The following SLC27A6 variants were observed in gnomAD, a reference collection of about 807,000 sequenced individuals.
SLC27A6 encodes the protein solute carrier family 27 member 6, also known as long-chain fatty acid transport protein 6.
A neutral mutation model predicts 63.9 loss-of-function variants in SLC27A6; 74 were observed. That is an observed-to-expected ratio of 1.16 (90% CI 0.96 to 1.40). SLC27A6 has a LOEUF of 1.40. SLC27A6 is among the 40% of genes most tolerant of loss of function. SLC27A6 has a pLI of 0.00. For synonymous variants in SLC27A6, 287 were observed against 260.8 expected, an observed-to-expected ratio of 1.10 and a Z score of -0.97; for missense variants, 794 against 732.9, an observed-to-expected ratio of 1.08 and a Z score of -0.96.
Position 129,029,603 on chromosome 5 carries a change from T to G in SLC27A6, c.1579T>G (p.Ser527Ala). 1 of 1,586,746 alleles carries G rather than the reference T, an allele frequency of 6.3e-7. No individual in the cohort carries two copies. The highest frequency in any genetic ancestry group is 8.6e-7 in the Non-Finnish European group (1 of 1,168,902). ...TTATGAAGGAAGAGCAGGAATGGCT[T>G]CTATTATTTTAAAACCAAATACATC... ...SGYEGRAGMASIILKPNTSLD... is the reference protein window; with the variant it reads ...SGYEGRAGMAAIILKPNTSLD... The change falls in exon 9 of 10, where the codon TCT becomes GCT. Residue 527 changes from serine to alanine, a missense_variant. Physicochemically the swap from Ser to Ala is moderately conservative, Grantham distance 99 (BLOSUM62 1). Transcript: ENST00000262462.
intron 4 of SLC27A6, among the ~76,000 whole-genome samples, chr5:129,013,522 T>A (rs1751793805): frequency 6.6e-6 from 1 of 152,154 alleles, no homozygotes; most frequent in Admixed American, 6.5e-5. Context: ...AATATTCATG[T>A]TGCCCCTTTG....
intron 1 of SLC27A6, among the ~76,000 whole-genome samples, chr5:128,975,287 A>G (rs980747815): frequency 1.3e-5 from 2 of 152,190 alleles, no homozygotes; most frequent in Non-Finnish European, 2.9e-5. Flanking sequence ...GGAGGCAGAG[A>G]TTACAGTGAG....
At chr5:128,986,959 A>G (rs1334717265) in intron 2 of SLC27A6, among the ~76,000 whole-genome samples, 2 of 152,322 alleles carry the variant, frequency 1.3e-5, no homozygotes, top group East Asian at 3.9e-4. Flanking sequence ...ATGTGAAACT[A>G]TAAGCAGGAA....
intron 1 of SLC27A6, among the ~76,000 whole-genome samples, chr5:128,983,599 T>C (rs2150133397): frequency 6.6e-6 from 1 of 152,260 alleles, no homozygotes; most frequent in Middle Eastern, 3.4e-3. Flanking sequence ...CTGGCCAATC[T>C]GTATCTATTT....
chr5:129,025,199 A>G (rs925506771), intron 6 of SLC27A6, among the ~76,000 whole-genome samples: 3 of 152,152 alleles, frequency 2.0e-5, no homozygotes, highest in African/African-American at 2.4e-5. Context: ...TATTTTTTCC[A>G]TTAAGGCATT....
At chr5:129,014,471 AT>A (rs1751825769) in intron 4 of SLC27A6, among the ~76,000 whole-genome samples, 1 of 152,182 alleles carries the variant, frequency 6.6e-6, no homozygotes, top group South Asian at 2.1e-4. Context: ...TTGTGTTTGA[AT>A]TACAAAAACA....
intron 1 of SLC27A6, among the ~76,000 whole-genome samples, chr5:128,979,886 T>TTC (rs1750525285): frequency 6.6e-6 from 1 of 152,210 alleles, no homozygotes; most frequent in South Asian, 2.1e-4. Flanking sequence ...ATAGAAAGAC[T>TTC]TGTGCTTCTG....
At chr5:129,023,203 T>A (rs990606739) in intron 5 of SLC27A6, among the ~76,000 whole-genome samples, 3 of 152,128 alleles carry the variant, frequency 2.0e-5, no homozygotes, top group African/African-American at 7.2e-5. Flanking sequence ...TAACACAATT[T>A]TTGAATTAAT....
chr5:128,988,398 C>G (rs1750863429), intron 2 of SLC27A6, among the ~76,000 whole-genome samples: 1 of 152,178 alleles, frequency 6.6e-6, no homozygotes. Flanking sequence ...AGCAGCCTGT[C>G]AAAGGAGCGT....
chr5:129,026,536 T>C (rs914532225), intron 6 of SLC27A6, among the ~76,000 whole-genome samples: 11 of 152,126 alleles, frequency 7.2e-5, no homozygotes, highest in Admixed American at 5.2e-4. Flanking sequence ...GGATCAGAGA[T>C]AGTATTATAC....
intron 4 of SLC27A6, among the ~76,000 whole-genome samples, chr5:128,994,176 A>G (rs1356038801): frequency 6.6e-6 from 1 of 152,034 alleles, no homozygotes; most frequent in Non-Finnish European, 1.5e-5. Context: ...CAAAAAAAAA[A>G]TTAATTTAAT....
intron 4 of SLC27A6, among the ~76,000 whole-genome samples, chr5:128,993,821 T>A (rs112863606): frequency 1.3e-4 from 20 of 151,586 alleles, no homozygotes; most frequent in African/African-American, 4.4e-4. Context: ...TAATTTAATT[T>A]TTAGGGGTGG....
intron 9 of SLC27A6, among the ~76,000 whole-genome samples, chr5:129,030,276 T>A (rs1242358054): frequency 1.3e-5 from 2 of 152,056 alleles, no homozygotes; most frequent in Non-Finnish European, 2.9e-5. Context: ...CCTTAACTAC[T>A]GGGTAACTTT....
chr5:128,980,938 C>G (rs1750563926), intron 1 of SLC27A6, among the ~76,000 whole-genome samples: 1 of 151,880 alleles, frequency 6.6e-6, no homozygotes, highest in African/African-American at 2.4e-5. Flanking sequence ...AAATTTTTAC[C>G]CATATATTTT....
chr5:128,977,546 G>A (rs1325008080), intron 1 of SLC27A6, among the ~76,000 whole-genome samples: 2 of 152,054 alleles, frequency 1.3e-5, no homozygotes, highest in African/African-American at 2.4e-5. Flanking sequence ...GAGAAAGGAG[G>A]AAAAAGACAA....
intron 1 of SLC27A6, among the ~76,000 whole-genome samples, chr5:128,983,013 G>A (rs913304394): frequency 6.6e-6 from 1 of 152,008 alleles, no homozygotes; most frequent in Admixed American, 6.6e-5. Context: ...ATCAATCTGG[G>A]TTATAGATTT....
intron 6 of SLC27A6, among the ~76,000 whole-genome samples, chr5:129,024,552 T>C (rs1311834794): frequency 6.6e-6 from 1 of 152,122 alleles, no homozygotes; most frequent in Non-Finnish European, 1.5e-5. Flanking sequence ...GGCTTGTTAC[T>C]TTCCTCTCCT....
At position 128,988,702 on chromosome 5, in the gene SLC27A6, T is replaced by C. The variant is rs765057351; in HGVS notation, c.788T>C (p.Leu263Pro). 3.1e-6 allele frequency: 5 copies of C among 1,613,790 alleles called. No homozygotes were observed. Among genetic ancestry groups the C allele is most frequent in the Non-Finnish European group, 4.2e-6 (5 of 1,179,714 alleles). The change falls in exon 3 of 10, where the codon CTT becomes CCT. Residue 263 changes from leucine to proline, a missense_variant. Transcript: ENST00000262462. ...GCTCATGACATTGTTTATATAACCC[T>C]TCCTCTGTATCATAGTTCAGCAGCT... ...CTAHDIVYIT[L>P]PLYHSSAAIL...
intron 2 of SLC27A6, among the ~76,000 whole-genome samples, 160 bp downstream of exon 2, chr5:128,985,496 G>A (rs551617249): frequency 1.3e-5 from 2 of 152,298 alleles, no homozygotes; most frequent in African/African-American, 4.8e-5. Context: ...AACTTGGATG[G>A]AAAGTTAATT....
Sources: allele counts gnomAD v4.1 joint callset (sites outside exome capture counted in the v4.1 genomes callset), GRCh38; gene constraint gnomAD v4.1.1; transcripts MANE v1.5; gene names NCBI Gene and HGNC (gene_info 2026-07-23, HGNC 2026-07-21).